DAB1: variants seen among roughly 807,000 people sequenced by gnomAD.
DAB1 encodes DAB adaptor protein 1.
DAB1 carries 15 observed loss-of-function variants against 64.6 expected under a neutral mutation model. The ratio of observed to expected loss-of-function variants is 0.23; its 90% CI spans 0.16 to 0.36. The LOEUF is 0.36. DAB1 is among the 10% of genes least tolerant of loss of function. The pLI is 1.00. For synonymous variants in DAB1, 235 were observed against 251.9 expected (o/e 0.93, Z 0.64); for missense variants, 596 against 706.7 (o/e 0.84, Z 1.78).
chr1:57,248,843 C>T (rs572394216), intron 2 of DAB1, among the ~76,000 whole-genome samples: 1 of 152,188 alleles, frequency 6.6e-6, no homozygotes, highest in Non-Finnish European at 1.5e-5. Flanking sequence ...TATTTAACCT[C>T]CAATGAATCT....
intron 2 of DAB1, among the ~76,000 whole-genome samples, chr1:57,228,966 C>T (rs1229982947): frequency 1.3e-5 from 2 of 151,950 alleles, no homozygotes; most frequent in African/African-American, 2.4e-5. Context: ...AATGTTGAGC[C>T]AAAAAGTAGA....
intron 2 of DAB1, among the ~76,000 whole-genome samples, chr1:57,189,868 G>T (rs933074609): frequency 1.3e-5 from 2 of 150,466 alleles, no homozygotes; most frequent in East Asian, 3.9e-4. Flanking sequence ...AAACACAACA[G>T]AAAACAACCA....
rs1685136597 is a variant in DAB1 at position 57,423,952 on chromosome 1, C to T, written c.-159G>A. On this transcript the variant is annotated 5_prime_UTR_variant, in exon 1 of 15. Transcript: ENST00000371236. ...CACCTCGCCTAGCCCAGAGCATCCT[C>T]CTCCGCTGCCGCAGCCGCCCAGGAA... The T allele has an allele frequency of 6.6e-6, 1 of 152,102 alleles. No individual in the cohort carries two copies. Among genetic ancestry groups the T allele is most frequent in the South Asian group, 2.1e-4 (1 of 4,832 alleles). The allele number at this position is 152,102 out of a possible 1,614,324, so 9.4% of individuals were successfully genotyped here.
chr1:57,828,575 GAC>G (rs1652456469), intron 1 of DAB1, among the ~76,000 whole-genome samples: 1 of 152,166 alleles, frequency 6.6e-6, no homozygotes. Context: ...AAAAAAATGA[GAC>G]AAGAAAAATG....
intron 5 of DAB1, among the ~76,000 whole-genome samples, chr1:57,974,874 T>G (rs1347587415): frequency 6.6e-6 from 1 of 152,186 alleles, no homozygotes; most frequent in African/African-American, 2.4e-5. Flanking sequence ...ATTCCTATTA[T>G]AGCAAAACTG....
intron 10 of DAB1, 120 bp downstream of exon 10, chr1:57,025,859 AAG>A: frequency 1.3e-6 from 1 of 744,294 alleles, no homozygotes; most frequent in African/African-American, 1.8e-5. Flanking sequence ...CACAGCTTGA[AAG>A]AGTCAACACT....
At chr1:57,638,822 G>A (rs1174155722) in intron 7 of DAB1, among the ~76,000 whole-genome samples, 1 of 151,962 alleles carries the variant, frequency 6.6e-6, no homozygotes, top group South Asian at 2.1e-4. Context: ...ATCCAGTGTG[G>A]CTGGAAACAA....
At chr1:57,755,950 T>C (rs890706438) in intron 6 of DAB1, among the ~76,000 whole-genome samples, 1 of 152,158 alleles carries the variant, frequency 6.6e-6, no homozygotes, top group Non-Finnish European at 1.5e-5. Context: ...CTTTGTGCAA[T>C]GAGGTAGGAT....
intron 7 of DAB1, among the ~76,000 whole-genome samples, chr1:57,497,891 T>A (rs969469662): frequency 1.3e-4 from 20 of 152,224 alleles, no homozygotes; most frequent in African/African-American, 4.8e-4. Flanking sequence ...TCTTAAATGA[T>A]CATTTTGGTT....
intron 4 of DAB1, among the ~76,000 whole-genome samples, chr1:58,232,508 C>G (rs1350837048): frequency 6.8e-6 from 1 of 146,612 alleles, no homozygotes; most frequent in Non-Finnish European, 1.5e-5. Flanking sequence ...CACACACACA[C>G]ACACACACAC....
At chr1:57,860,101 A>G (rs1653942298) in intron 1 of DAB1, among the ~76,000 whole-genome samples, 1 of 152,204 alleles carries the variant, frequency 6.6e-6, no homozygotes, top group African/African-American at 2.4e-5. Flanking sequence ...GACACAGTGA[A>G]TTACTAATAC....
rs1249142802 is a variant in DAB1, at chr1:57,597,076, C to A, written n.625+52516G>T. 2.6e-5 allele frequency among the ~76,000 whole-genome samples: 4 copies of A among 152,128 alleles called. No homozygotes were observed. In the East Asian group the frequency reaches 5.8e-4, roughly 22 times the overall value. On this transcript the variant is annotated intron_variant and non_coding_transcript_variant, in intron 7 of 20. Transcript: ENST00000485760. Reference sequence around the variant, plus strand: ...CCTTTGAAATTCACATCATTCGCACCAACACCCCCGCTCAGCTCAGACAGT... The same window carrying A: ...CCTTTGAAATTCACATCATTCGCACAAACACCCCCGCTCAGCTCAGACAGT...
intron 4 of DAB1, among the ~76,000 whole-genome samples, chr1:57,112,036 G>C (rs1655708031): frequency 6.6e-6 from 1 of 152,026 alleles, no homozygotes; most frequent in Non-Finnish European, 1.5e-5. Context: ...AAACACTATG[G>C]ATTATTAAAA....
chr1:57,105,363 T>C (rs1469486437), intron 4 of DAB1, among the ~76,000 whole-genome samples: 4 of 152,022 alleles, frequency 2.6e-5, no homozygotes, highest in African/African-American at 9.7e-5. Context: ...AAAAAGCCCT[T>C]TCAAGCGCTT....
At chr1:57,238,959 A>G (rs1046230067) in intron 2 of DAB1, among the ~76,000 whole-genome samples, 2 of 151,994 alleles carry the variant, frequency 1.3e-5, no homozygotes, top group Non-Finnish European at 2.9e-5. Flanking sequence ...TTATGGCCCA[A>G]TAAGATTTTT....
intron 6 of DAB1, among the ~76,000 whole-genome samples, chr1:57,806,031 C>A (rs577885999): frequency 1.3e-5 from 2 of 152,282 alleles, no homozygotes; most frequent in Admixed American, 6.5e-5. Context: ...GATGTCATTC[C>A]TGTGCCTCAA....
At chr1:57,159,642 C>A (rs758865197) in intron 2 of DAB1, among the ~76,000 whole-genome samples, 16 of 151,932 alleles carry the variant, frequency 1.1e-4, no homozygotes, top group Admixed American at 6.6e-5. Flanking sequence ...GAGTTTCCAA[C>A]GCCACCCTGC....
chr1:58,333,080 T>C (rs1452093586), intron 4 of DAB1, among the ~76,000 whole-genome samples: 3 of 152,156 alleles, frequency 2.0e-5, no homozygotes, highest in East Asian at 1.9e-4. Context: ...CAGCTAACTT[T>C]TGTATTTTTA....
At chr1:57,346,072 G>A (rs1678060886) in intron 1 of DAB1, among the ~76,000 whole-genome samples, 1 of 152,178 alleles carries the variant, frequency 6.6e-6, no homozygotes, top group African/African-American at 2.4e-5. Flanking sequence ...AACGGAAGAG[G>A]TTAGTGAGGT....
Sources: allele counts gnomAD v4.1 joint callset (sites outside exome capture counted in the v4.1 genomes callset), GRCh38; gene constraint gnomAD v4.1.1; transcripts MANE v1.5; gene names NCBI Gene and HGNC (gene_info 2026-07-23, HGNC 2026-07-21).